STX11: variants seen among roughly 807,000 people sequenced by gnomAD.
STX11 encodes syntaxin 11.
A neutral mutation model predicts 19.9 loss-of-function variants in STX11; 21 were observed. The ratio of observed to expected loss-of-function variants is 1.06; its 90% CI spans 0.75 to 1.52. The LOEUF (loss-of-function observed/expected upper bound fraction) is 1.52, where lower values mean the gene tolerates loss of function less well. Ranked by LOEUF, STX11 falls within the 40% of genes most tolerant of loss-of-function variation. The pLI, the probability that STX11 is intolerant of heterozygous loss-of-function variation, is 0.00. For missense variants in STX11, 438 were observed against 405.9 expected (o/e 1.08, Z -0.68); for synonymous variants, 193 against 174.4 (o/e 1.11, Z -0.84).
In STX11 at chr6:144,180,515, T is replaced by C. The variant is rs1265347835; in HGVS notation, c.-5-6108T>C. Among the ~76,000 whole-genome samples, 4 of 152,232 alleles carry C rather than the reference T, an allele frequency of 2.6e-5. No individual in the cohort carries two copies. The highest frequency in any genetic ancestry group is 4.8e-5 in the African/African-American group (2 of 41,454). ...GTGATAGTGAATAAGTCTCATGAGA[T>C]CTGATGGGTTTATCAGGGGTTTCTG... is the stretch of plus-strand genomic sequence containing the variant. On this transcript the variant is annotated intron_variant, in intron 1 of 1. Coordinates refer to ENST00000367568, the MANE Select transcript of STX11 (RefSeq NM_003764.4). The surrounding 1 kb of genome is among the most constrained non-coding windows in gnomAD (Gnocchi z 5.3).
At chr6:144,164,028 C>T (rs971552289) in intron 1 of STX11, among the ~76,000 whole-genome samples, 1 of 152,204 alleles carries the variant, frequency 6.6e-6, no homozygotes, top group Admixed American at 6.5e-5. Context: ...TTTAAAAGGA[C>T]TGGGACCACC....
chr6:144,141,112 C>T, the STX11 span, among the ~76,000 whole-genome samples: 31 of 152,314 alleles, frequency 2.0e-4, no homozygotes, highest in East Asian at 3.1e-3. Context: ...ACAGTCTGAT[C>T]TTAAAATACT....
At chr6:144,158,373 C>T (rs1175561293) in intron 1 of STX11, among the ~76,000 whole-genome samples, 1 of 152,192 alleles carries the variant, frequency 6.6e-6, no homozygotes, top group African/African-American at 2.4e-5. Flanking sequence ...AGAGTGGTGT[C>T]CCTGGCTTGG....
rs1288647383 is a variant in STX11 at position 144,154,570 on chromosome 6, A to C, written c.-6+3867A>C. On this transcript the variant is annotated intron_variant, in intron 1 of 1. Coordinates refer to ENST00000367568, the MANE Select transcript of STX11 (RefSeq NM_003764.4). The surrounding 1 kb of genome is among the most constrained non-coding windows in gnomAD (Gnocchi z 4.7). ...CAGATGCACTCAATGTTTTGTTGCT[A>C]AGATTTTCCATAGGGAAGCAGAAAG... is the stretch of plus-strand genomic sequence containing the variant. Among the ~76,000 whole-genome samples, 1 of 152,182 alleles carries C rather than the reference A, an allele frequency of 6.6e-6. No homozygotes were observed. Among genetic ancestry groups the C allele is most frequent in the East Asian group, 1.9e-4 (1 of 5,196 alleles).
In STX11 at chr6:144,191,431, C is replaced by T. The variant is rs1452833755; in HGVS notation, c.*3940C>T. ...CAATGCCTTTACATTTATTTAAAAA[C>T]AGTCCTAATGCTTTATAGTTAAATG... On this transcript the variant is annotated 3_prime_UTR_variant, in exon 2 of 2. Transcript: ENST00000367568. 6.6e-6 allele frequency among the ~76,000 whole-genome samples: 1 copy of T among 150,740 alleles called. No homozygotes were observed. Among genetic ancestry groups the T allele is most frequent in the Non-Finnish European group, 1.5e-5 (1 of 67,812 alleles).
At chr6:144,168,941 G>A (rs1243450623) in intron 1 of STX11, among the ~76,000 whole-genome samples, 1 of 152,222 alleles carries the variant, frequency 6.6e-6, no homozygotes, top group Non-Finnish European at 1.5e-5. Flanking sequence ...GGATGAGCAG[G>A]ACAGATGTGA....
At chr6:144,140,239 TATATATATATATA>T in the STX11 span, among the ~76,000 whole-genome samples, 2 of 49,132 alleles carry the variant, frequency 4.1e-5, no homozygotes, top group Admixed American at 3.9e-4. Context: ...TATATATATA[TATATATATATATA>T]TATTTATTTA....
At chr6:144,161,388 G>A (rs191236817) in intron 1 of STX11, among the ~76,000 whole-genome samples, 2 of 144,588 alleles carry the variant, frequency 1.4e-5, no homozygotes, top group East Asian at 4.4e-4. Context: ...TTTCTCCTTT[G>A]AGACAAAGTC....
rs979729474 is a variant in STX11 at position 144,160,803 on chromosome 6, G to A, written c.-6+10100G>A. On this transcript the variant is annotated intron_variant, in intron 1 of 1. Coordinates refer to ENST00000367568, the MANE Select transcript of STX11 (RefSeq NM_003764.4). The surrounding 1 kb of genome is among the most constrained non-coding windows in gnomAD (Gnocchi z 4.3). Reference sequence around the variant, plus strand: ...AAAAAAACTGGAACTATAAATTATAGTGCAAGTGAACATTTAACTCAGGCT... The same window carrying A: ...AAAAAAACTGGAACTATAAATTATAATGCAAGTGAACATTTAACTCAGGCT... Among the ~76,000 whole-genome samples, 5 of 152,258 alleles carry A rather than the reference G, an allele frequency of 3.3e-5. No homozygotes were observed. Among genetic ancestry groups the A allele is most frequent in the East Asian group, 1.9e-4 (1 of 5,188 alleles).
rs987468693 is a variant in STX11 at position 144,177,749 on chromosome 6, C to CA, written c.-5-8866dup. ...TGGGTGACAGAGGGAGACTCCGTCT[C>CA]AAAAAAAAGAAGAAAGAAAGCTCAT... On this transcript the variant is annotated intron_variant, in intron 1 of 1. Coordinates refer to ENST00000367568, the MANE Select transcript of STX11 (RefSeq NM_003764.4). This position sits in a 1 kb window ranked among gnomAD's most constrained non-coding sequence, Gnocchi z 4.4. 6.6e-5 allele frequency among the ~76,000 whole-genome samples: 10 copies of CA among 151,880 alleles called. No individual in the cohort carries two copies. In the South Asian group the frequency reaches 1.0e-3, roughly 16 times the overall value.
rs909879861 is a variant in STX11 at position 144,188,024 on chromosome 6, A to G, written c.*533A>G. The stretch of plus-strand genomic sequence containing the variant: ...CGCTATGCAATTCCTCCCCAAATAT[A>G]GATCTTATTTCTGCTCATTTCCCCT... On this transcript the variant is annotated 3_prime_UTR_variant, in exon 2 of 2. Coordinates refer to ENST00000367568, the MANE Select transcript of STX11 (RefSeq NM_003764.4). 2.8e-5 allele frequency: 7 copies of G among 248,824 alleles called. No individual in the cohort carries two copies. The highest frequency in any genetic ancestry group is 5.9e-5 in the Non-Finnish European group (7 of 118,616). The allele number at this position is 248,824 out of a possible 1,614,324, so 15.4% of individuals were successfully genotyped here.
At position 144,182,749 on chromosome 6, in the gene STX11, G is replaced by T. The variant is rs559650858; in HGVS notation, c.-5-3874G>T. 1.3e-5 allele frequency among the ~76,000 whole-genome samples: 2 copies of T among 152,276 alleles called. No homozygotes were observed. The highest frequency in any genetic ancestry group is 3.9e-4 in the East Asian group (2 of 5,188). ...AGGATACATACAAATGATCCCTAGTGTCCCAGGGCGTGGTACAGTCCCTTA... is the reference window on the plus strand; with the variant it reads ...AGGATACATACAAATGATCCCTAGTTTCCCAGGGCGTGGTACAGTCCCTTA... On this transcript the variant is annotated intron_variant, in intron 1 of 1. Transcript: ENST00000367568. This position sits in a 1 kb window ranked among gnomAD's most constrained non-coding sequence, Gnocchi z 4.8.
rs1802212464 is a variant in STX11, at chr6:144,191,788, G to A, written c.*4297G>A. Reference sequence around the variant, plus strand: ...TAATAAAATGGGGCTATTAGAAATGGAAAACGAATAGGATCTAGAATGTAA... The same window carrying A: ...TAATAAAATGGGGCTATTAGAAATGAAAAACGAATAGGATCTAGAATGTAA... On this transcript the variant is annotated 3_prime_UTR_variant, in exon 2 of 2. Transcript: ENST00000367568. 6.6e-6 allele frequency among the ~76,000 whole-genome samples: 1 copy of A among 152,142 alleles called. No individual in the cohort carries two copies. Among genetic ancestry groups the A allele is most frequent in the African/African-American group, 2.4e-5 (1 of 41,422 alleles).
Position 144,155,008 on chromosome 6 carries a change from C to T in STX11, c.-6+4305C>T, listed in dbSNP as rs73582907. On this transcript the variant is annotated intron_variant, in intron 1 of 1. Coordinates refer to ENST00000367568, the MANE Select transcript of STX11 (RefSeq NM_003764.4). The surrounding 1 kb of genome is among the most constrained non-coding windows in gnomAD (Gnocchi z 4.5). ...TCTCATTGTTGATAATTCAACCTAC[C>T]CTGACTTGGATTAATATCCTGATTT... Among the ~76,000 whole-genome samples the T allele has an allele frequency of 0.021, 3,216 of 152,092 alleles. 93 individuals carry two copies. Among genetic ancestry groups the T allele is most frequent in the African/African-American group, 0.072 (2,967 of 41,470 alleles).
rs1190863792 is a variant in STX11, at chr6:144,155,994, CTTTCTT to C, written c.-6+5293_-6+5298del. Among the ~76,000 whole-genome samples, 2 of 131,150 alleles carry C rather than the reference CTTTCTT, an allele frequency of 1.5e-5. No homozygotes were observed. The highest frequency in any genetic ancestry group is 3.0e-5 in the Non-Finnish European group (2 of 66,196). The allele number at this position is 131,150 out of a possible 152,430, so 86.0% of individuals were successfully genotyped here. On this transcript the variant is annotated intron_variant, in intron 1 of 1. Coordinates refer to ENST00000367568, the MANE Select transcript of STX11 (RefSeq NM_003764.4). This position sits in a 1 kb window ranked among gnomAD's most constrained non-coding sequence, Gnocchi z 4.5. ...TCTTTCTTTCTTTCTTTCTTTCTTT[CTTTCTT>C]TCTTTCTTTCTTTCTCTCTTTCTCT...
intron 1 of STX11, among the ~76,000 whole-genome samples, chr6:144,186,304 C>T (rs1802030408): frequency 7.0e-6 from 1 of 143,784 alleles, no homozygotes. Context: ...TACCCTAGAA[C>T]TTAAAGTATA....
upstream of STX11, among the ~76,000 whole-genome samples, chr6:144,148,978 T>C (rs1800929066): frequency 6.6e-6 from 1 of 152,222 alleles, no homozygotes; most frequent in South Asian, 2.1e-4. Flanking sequence ...GGAATTTGTT[T>C]GATATTTTTC....
rs942052827 is a variant in STX11 at position 144,170,028 on chromosome 6, T to C, written c.-5-16595T>C. On this transcript the variant is annotated intron_variant, in intron 1 of 1. Coordinates refer to ENST00000367568, the MANE Select transcript of STX11 (RefSeq NM_003764.4). This position sits in a 1 kb window ranked among gnomAD's most constrained non-coding sequence, Gnocchi z 4.7. ...CTGTTCATCATTTTCAGGATGGAAC[T>C]TCAACAATTTATCTTTTTGTTTCTT... 1.3e-5 allele frequency among the ~76,000 whole-genome samples: 2 copies of C among 152,220 alleles called. No individual in the cohort carries two copies. Among genetic ancestry groups the C allele is most frequent in the African/African-American group, 4.8e-5 (2 of 41,458 alleles).
chr6:144,158,470 G>A (rs1279545955), intron 1 of STX11, among the ~76,000 whole-genome samples: 1 of 152,174 alleles, frequency 6.6e-6, no homozygotes, highest in Non-Finnish European at 1.5e-5. Flanking sequence ...GAACTTAGAG[G>A]AATCAGTAAA....
Sources: allele counts gnomAD v4.1 joint callset (sites outside exome capture counted in the v4.1 genomes callset), GRCh38; gene constraint gnomAD v4.1.1; non-coding constraint Gnocchi (gnomAD v3.1); transcripts MANE v1.5; gene names NCBI Gene and HGNC (gene_info 2026-07-23, HGNC 2026-07-21).